UGGT2: variants seen among roughly 807,000 people sequenced by gnomAD.
UGGT2 encodes UDP-glucose:glycoprotein glucosyltransferase 2.
Under a neutral mutation model 192.1 loss-of-function variants are expected in UGGT2, and 180 were observed. The observed-to-expected ratio is 0.94, with a 90% CI of 0.83 to 1.06. UGGT2 has a LOEUF of 1.06. Ranked by LOEUF, UGGT2 falls within the 50% of genes least tolerant of loss-of-function variation. The pLI, the probability that UGGT2 is intolerant of heterozygous loss-of-function variation, is 0.00. For synonymous variants in UGGT2, 580 were observed against 591.0 expected (o/e 0.98, Z 0.27); for missense variants, 1,849 against 1,795.7 (o/e 1.03, Z -0.54).
chr13:95,979,949 C>A (rs1397596184), intron 10 of UGGT2, among the ~76,000 whole-genome samples: 5 of 152,144 alleles, frequency 3.3e-5, no homozygotes, highest in Admixed American at 2.6e-4. Flanking sequence ...TGCAATACCA[C>A]CTCACTCCTA....
At chr13:95,890,690 A>G (rs959161127) in intron 25 of UGGT2, among the ~76,000 whole-genome samples, 172 bp downstream of exon 25, 1 of 152,212 alleles carries the variant, frequency 6.6e-6, no homozygotes, top group Non-Finnish European at 1.5e-5. Context: ...CAGCACAGTC[A>G]TAACAACACC....
chr13:95,856,380 G>A (rs371730845), intron 33 of UGGT2, 40 bp from the exon 34 acceptor site: 2 of 1,569,578 alleles, frequency 1.3e-6, no homozygotes, highest in African/African-American at 1.4e-5. Flanking sequence ...ATGTTCAAGA[G>A]AAAGTAGTTT....
chr13:95,907,790 G>T (rs1220333118), intron 20 of UGGT2, among the ~76,000 whole-genome samples: 1 of 152,234 alleles, frequency 6.6e-6, no homozygotes, highest in Admixed American at 6.5e-5. Flanking sequence ...AAGATGGGGA[G>T]AAAGTACAAC....
intron 10 of UGGT2, among the ~76,000 whole-genome samples, chr13:95,980,268 T>C (rs1230399342): frequency 6.6e-6 from 1 of 152,182 alleles, no homozygotes; most frequent in Non-Finnish European, 1.5e-5. Context: ...CACGGAATAC[T>C]ACTCAGCCAT....
chr13:96,035,727 AC>A, intron 1 of UGGT2, among the ~76,000 whole-genome samples: 3 of 152,224 alleles, frequency 2.0e-5, no homozygotes, highest in Middle Eastern at 6.8e-3. Flanking sequence ...AAAACAAACG[AC>A]CCCATTAAAA....
At chr13:95,947,607 C>A (rs989355823) in intron 14 of UGGT2, among the ~76,000 whole-genome samples, 1 of 151,994 alleles carries the variant, frequency 6.6e-6, no homozygotes, top group Admixed American at 6.6e-5. Flanking sequence ...CGCACCACCA[C>A]GCCTTGCTAA....
In UGGT2 at chr13:95,927,200, A is replaced by C. The variant is rs1408856980; in HGVS notation, c.2101+13T>G. The C allele has an allele frequency of 6.2e-7, 1 of 1,611,328 alleles. No individual in the cohort carries two copies. The highest frequency in any genetic ancestry group is 1.3e-5 in the African/African-American group (1 of 74,834). ...TCAATAAACATTTGTAGAACAGTAT[A>C]GGATTATTTTACCTGATGTAGATAT... On this transcript the variant is annotated intron_variant, in intron 18 of 38. Coordinates refer to ENST00000376747, the MANE Select transcript of UGGT2 (RefSeq NM_020121.4).
chr13:95,941,809 G>A (rs937311876), intron 15 of UGGT2, among the ~76,000 whole-genome samples: 2 of 152,170 alleles, frequency 1.3e-5, no homozygotes, highest in South Asian at 4.2e-4. Flanking sequence ...AATAAACCAC[G>A]TAACATAAGA....
At chr13:95,996,859 C>T (rs2051638567) in intron 6 of UGGT2, among the ~76,000 whole-genome samples, 1 of 152,132 alleles carries the variant, frequency 6.6e-6, no homozygotes, top group South Asian at 2.1e-4. Flanking sequence ...CACCAAAACT[C>T]ATGGTCTCAA....
chr13:96,053,062 G>A (rs1189226118), intron 1 of UGGT2, 93 bp downstream of exon 1: 1 of 1,378,076 alleles, frequency 7.3e-7, no homozygotes, highest in African/African-American at 1.5e-5. Context: ...AACCCGGGTG[G>A]GAGCCAGACA....
intron 3 of UGGT2, 82 bp downstream of exon 3, chr13:96,023,547 C>A: frequency 7.2e-7 from 1 of 1,396,946 alleles, no homozygotes; most frequent in Non-Finnish European, 9.5e-7. Context: ...TCATTTTGAA[C>A]TAAAGATGTT....
rs182526745 is a variant in UGGT2, at chr13:96,010,360, G to A, written c.660+2947C>T. 2.6e-5 allele frequency among the ~76,000 whole-genome samples: 4 copies of A among 152,198 alleles called. No homozygotes were observed. The East Asian group carries it at 7.7e-4, about 29-fold the overall frequency. Reference sequence around the variant, plus strand: ...TTGATAGGTGCAGCAAACCACCATGGCATACATTTACCTATGTAACAAACC... The same window carrying A: ...TTGATAGGTGCAGCAAACCACCATGACATACATTTACCTATGTAACAAACC... On this transcript the variant is annotated intron_variant, in intron 5 of 38. Coordinates refer to ENST00000376747, the MANE Select transcript of UGGT2 (RefSeq NM_020121.4).
chr13:95,914,556 C>T (rs1185847099), intron 20 of UGGT2, among the ~76,000 whole-genome samples: 2 of 139,044 alleles, frequency 1.4e-5, no homozygotes, highest in East Asian at 4.4e-4. Flanking sequence ...AGGTGGATCA[C>T]CTGAGGTGAG....
At chr13:95,820,081 C>G (rs540717520) in intron 38 of UGGT2, among the ~76,000 whole-genome samples, 1 of 152,212 alleles carries the variant, frequency 6.6e-6, no homozygotes, top group South Asian at 2.1e-4. Context: ...TCACTTGAAC[C>G]TCGGAGGCAG....
Position 95,960,736 on chromosome 13 carries a change from C to T in UGGT2, c.1335+9376G>A, listed in dbSNP as rs1051161043. ...CAATTCCAAAAGGTTTTGCCCATGG[C>T]AAATTATAGTCAAACTGTCAAAATT... On this transcript the variant is annotated intron_variant, in intron 12 of 38. Transcript: ENST00000376747. Among the ~76,000 whole-genome samples the T allele has an allele frequency of 1.1e-4, 16 of 152,066 alleles. 1 individual carries two copies. Among genetic ancestry groups the T allele is most frequent in the Admixed American group, 9.2e-4 (14 of 15,252 alleles).
intron 20 of UGGT2, among the ~76,000 whole-genome samples, chr13:95,914,378 G>T (rs1010142796): frequency 6.6e-6 from 1 of 152,028 alleles, no homozygotes; most frequent in African/African-American, 2.4e-5. Flanking sequence ...AGCTACAAAA[G>T]GAGAGAATTA....
intron 1 of UGGT2, among the ~76,000 whole-genome samples, chr13:96,041,504 G>C (rs1250938367): frequency 6.6e-6 from 1 of 152,178 alleles, no homozygotes; most frequent in African/African-American, 2.4e-5. Flanking sequence ...GCCAGAACTT[G>C]GGAGAGGGCA....
At chr13:96,023,882 G>C in intron 2 of UGGT2, 123 bp from the exon 3 acceptor site, 1 of 763,430 alleles carries the variant, frequency 1.3e-6, no homozygotes, top group Non-Finnish European at 1.8e-6. Context: ...TATGGATAAT[G>C]CTAGAGAAAA....
intron 36 of UGGT2, among the ~76,000 whole-genome samples, chr13:95,852,422 C>A (rs955728477): frequency 1.3e-5 from 2 of 152,180 alleles, no homozygotes; most frequent in Admixed American, 6.5e-5. Context: ...CCAATTTATA[C>A]CTGCAAGCCC....
Sources: gnomAD v4.1 joint callset for allele counts (sites outside exome capture counted in the v4.1 genomes callset) on GRCh38, gnomAD v4.1.1 for gene constraint, MANE v1.5 for transcripts, NCBI Gene and HGNC (gene_info 2026-07-23, HGNC 2026-07-21) for gene names.